HIPK3: variants seen among roughly 807,000 people sequenced by gnomAD.
The protein encoded by HIPK3 is homeodomain-interacting protein kinase 3.
A neutral mutation model predicts 124.2 loss-of-function variants in HIPK3; 47 were observed. The observed-to-expected ratio is 0.38, with a 90% CI of 0.30 to 0.48. The LOEUF is 0.48. Ranked by LOEUF, HIPK3 falls within the 20% of genes least tolerant of loss-of-function variation. The pLI, the probability that HIPK3 is intolerant of heterozygous loss-of-function variation, is 0.98. For synonymous variants in HIPK3, 482 were observed against 515.2 expected (o/e 0.94, Z 0.87); for missense variants, 1,286 against 1,454.3 (o/e 0.88, Z 1.88).
intron 1 of HIPK3, among the ~76,000 whole-genome samples, chr11:33,269,889 A>C (rs1851075989): frequency 6.6e-6 from 1 of 151,940 alleles, no homozygotes; most frequent in African/African-American, 2.4e-5. Context: ...GTACCTCAGA[A>C]TTACCTTATT....
intron 1 of HIPK3, among the ~76,000 whole-genome samples, chr11:33,285,952 A>G (rs1469695885): frequency 6.6e-6 from 1 of 151,994 alleles, no homozygotes; most frequent in Non-Finnish European, 1.5e-5. Context: ...TTGCATTATT[A>G]GTAGAGTTGG....
intron 3 of HIPK3, 56 bp downstream of exon 3, chr11:33,328,689 C>T (rs1852881888): frequency 6.6e-7 from 1 of 1,519,558 alleles, no homozygotes; most frequent in Non-Finnish European, 9.1e-7. Flanking sequence ...TAATAACAGA[C>T]TTACAGGAAC....
chr11:33,278,567 T>A (rs1278362309), intron 1 of HIPK3, among the ~76,000 whole-genome samples: 1 of 152,232 alleles, frequency 6.6e-6, no homozygotes. Flanking sequence ...TTTGTTTTTT[T>A]AGCATGCTCA....
intron 6 of HIPK3, among the ~76,000 whole-genome samples, chr11:33,340,275 C>T (rs1853292076): frequency 2.0e-5 from 3 of 152,158 alleles, no homozygotes; most frequent in African/African-American, 4.8e-5. Context: ...GGGGTTTCAC[C>T]ATGTCACCCA....
chr11:33,316,234 T>G (rs1852498539), intron 2 of HIPK3, among the ~76,000 whole-genome samples: 1 of 152,242 alleles, frequency 6.6e-6, no homozygotes, highest in South Asian at 2.1e-4. Context: ...AAAAGCACCA[T>G]TCTGTGGGAT....
intron 2 of HIPK3, among the ~76,000 whole-genome samples, chr11:33,325,895 C>T (rs1852798283): frequency 6.6e-6 from 1 of 152,088 alleles, no homozygotes; most frequent in Non-Finnish European, 1.5e-5. Flanking sequence ...TGTATACATC[C>T]ATACACACAC....
chr11:33,259,608 A>G (rs969918428), intron 1 of HIPK3, among the ~76,000 whole-genome samples: 86 of 152,342 alleles, frequency 5.6e-4, no homozygotes, highest in Non-Finnish European at 1.5e-5. Flanking sequence ...GGCTGCATTC[A>G]TAAAGTGTAG....
At chr11:33,338,599 A>AT (rs372662681) in intron 4 of HIPK3, among the ~76,000 whole-genome samples, 158 bp from the exon 5 acceptor site, 1,772 of 146,464 alleles carry the variant, frequency 0.012, 16 homozygotes, top group Non-Finnish European at 0.019. Flanking sequence ...AGCACTTCTC[A>AT]TTTTTTTTTT....
chr11:33,356,510 T>TC lies in HIPK3; in HGVS notation c.*2942_*2943insC, dbSNP rs1173155998. On this transcript the variant is annotated 3_prime_UTR_variant, in exon 17 of 17. Coordinates refer to ENST00000303296, the MANE Select transcript of HIPK3 (RefSeq NM_005734.5). ...ATCAAATATCCTGATATTTAGTTGT[T>TC]TTTTTTTTCCTCCAGCGTGTTTAAT... 7.9e-5 allele frequency: 12 copies of TC among 151,200 alleles called. No homozygotes were observed. The highest frequency in any genetic ancestry group is 1.8e-4 in the Non-Finnish European group (12 of 67,494). 9.4% of individuals were successfully genotyped at this position (151,200 alleles called of 1,614,324 possible). A position where few individuals can be genotyped will look rare whatever the true frequency, so the allele number is the denominator to read the frequency against.
chr11:33,268,310 C>G (rs1255100163), intron 1 of HIPK3, among the ~76,000 whole-genome samples: 1 of 151,940 alleles, frequency 6.6e-6, no homozygotes, highest in East Asian at 1.9e-4. Flanking sequence ...AAATTGAATT[C>G]TGGGCCGGGT....
intron 2 of HIPK3, among the ~76,000 whole-genome samples, chr11:33,318,585 T>C (rs962460254): frequency 4.6e-5 from 7 of 152,234 alleles, no homozygotes; most frequent in South Asian, 2.1e-4. Flanking sequence ...GTTCATAGTA[T>C]TATGTTGGTA....
At chr11:33,307,400 G>GTTTTTTT (rs397849185) in intron 2 of HIPK3, among the ~76,000 whole-genome samples, 1 of 128,864 alleles carries the variant, frequency 7.8e-6, no homozygotes, top group African/African-American at 2.9e-5. Flanking sequence ...TTTATGAAGT[G>GTTTTTTT]TTTTTTTTTT....
At chr11:33,325,765 C>G (rs1852794421) in intron 2 of HIPK3, among the ~76,000 whole-genome samples, 1 of 152,158 alleles carries the variant, frequency 6.6e-6, no homozygotes, top group African/African-American at 2.4e-5. Flanking sequence ...AGGTCTCCAT[C>G]TTTGATAGCT....
intron 1 of HIPK3, among the ~76,000 whole-genome samples, chr11:33,273,961 C>T (rs1253413395): frequency 6.6e-6 from 1 of 152,124 alleles, no homozygotes; most frequent in Non-Finnish European, 1.5e-5. Flanking sequence ...TTAGAATTTT[C>T]ATTCTTGTGT....
intron 4 of HIPK3, among the ~76,000 whole-genome samples, chr11:33,338,193 G>GA (rs1484638674): frequency 6.6e-6 from 1 of 152,156 alleles, no homozygotes; most frequent in African/African-American, 2.4e-5. Context: ...ATCTTTGGAG[G>GA]AATCAGTAAA....
intron 7 of HIPK3, among the ~76,000 whole-genome samples, 198 bp downstream of exon 7, chr11:33,341,325 T>TC (rs1853328007): frequency 6.6e-6 from 1 of 152,176 alleles, no homozygotes; most frequent in African/African-American, 2.4e-5. Flanking sequence ...TTTTTGCCAT[T>TC]CCTCTCTTCA....
chr11:33,306,938 C>CTTTT (rs371207899), intron 2 of HIPK3, among the ~76,000 whole-genome samples: 1 of 136,686 alleles, frequency 7.3e-6, no homozygotes. Flanking sequence ...GATGCATCCA[C>CTTTT]TTTTTTTTTT....
chr11:33,281,582 G>T (rs1851413554), intron 1 of HIPK3, among the ~76,000 whole-genome samples: 1 of 152,108 alleles, frequency 6.6e-6, no homozygotes. Flanking sequence ...TTTCATTGCT[G>T]CCAGTATTGT....
At chr11:33,268,983 A>C (rs1851050445) in intron 1 of HIPK3, among the ~76,000 whole-genome samples, 1 of 152,194 alleles carries the variant, frequency 6.6e-6, no homozygotes, top group East Asian at 1.9e-4. Flanking sequence ...ACTGTTCCTT[A>C]AGTTTAGGGA....
Sources: gnomAD v4.1 joint callset for allele counts (sites outside exome capture counted in the v4.1 genomes callset) on GRCh38, gnomAD v4.1.1 for gene constraint, MANE v1.5 for transcripts, NCBI Gene and HGNC (gene_info 2026-07-23, HGNC 2026-07-21) for gene names.